The following PLEKHA5 variants were observed in gnomAD, a reference collection of about 807,000 sequenced individuals.
The protein encoded by PLEKHA5 is pleckstrin homology domain containing A5.
Under a neutral mutation model 181.9 loss-of-function variants are expected in PLEKHA5, and 55 were observed. The observed-to-expected ratio is 0.30, with a 90% confidence interval of 0.24 to 0.38. The LOEUF is 0.38. PLEKHA5 is among the 10% of genes least tolerant of loss of function. PLEKHA5 has a pLI of 1.00. For synonymous variants in PLEKHA5, 535 were observed against 529.4 expected, an observed-to-expected ratio of 1.01 and a Z score of -0.15; for missense variants, 1,432 against 1,549.5, an observed-to-expected ratio of 0.92 and a Z score of 1.27.
intron 7 of PLEKHA5, among the ~76,000 whole-genome samples, chr12:19,262,956 A>G (rs2068975563): frequency 6.6e-6 from 1 of 152,210 alleles, no homozygotes; most frequent in African/African-American, 2.4e-5. Context: ...TTTATATGCA[A>G]TGTATTTATT....
intron 3 of PLEKHA5, among the ~76,000 whole-genome samples, chr12:19,231,387 A>T (rs2060512913): frequency 6.6e-6 from 1 of 151,974 alleles, no homozygotes; most frequent in African/African-American, 2.4e-5. Flanking sequence ...ATATACAGTT[A>T]GAGTGTAAGT....
intron 12 of PLEKHA5, 116 bp from the exon 13 acceptor site, chr12:19,287,357 A>G: frequency 1.4e-6 from 1 of 720,646 alleles, no homozygotes; most frequent in Non-Finnish European, 2.5e-6. Context: ...TTTCATAAGC[A>G]CTAATAGCAA....
chr12:19,338,816 G>T (rs761226444), intron 21 of PLEKHA5, among the ~76,000 whole-genome samples: 1 of 150,846 alleles, frequency 6.6e-6, no homozygotes, highest in African/African-American at 2.4e-5. Flanking sequence ...CCTGGGAGGC[G>T]GAGGTTGCAG....
rs1411194953 is a variant in PLEKHA5, at chr12:19,129,733, G to C, written c.-67G>C. ...CGCTCCGCGCTCCCTTCGCTCGCTCGTTCCCTCCTCCCTCGGCAGCCGCGG... is the reference window on the plus strand; with the variant it reads ...CGCTCCGCGCTCCCTTCGCTCGCTCCTTCCCTCCTCCCTCGGCAGCCGCGG... On this transcript the variant is annotated 5_prime_UTR_variant, in exon 1 of 32. Coordinates refer to ENST00000429027, the MANE Select transcript of PLEKHA5 (RefSeq NM_001256470.2). 2.3e-6 allele frequency: 3 copies of C among 1,286,886 alleles called. No homozygotes were observed. The highest frequency in any genetic ancestry group is 3.3e-6 in the Non-Finnish European group (3 of 911,090). 79.7% of individuals were successfully genotyped at this position (1,286,886 alleles called of 1,614,324 possible). A position where few individuals can be genotyped will look rare whatever the true frequency, so the allele number is the denominator to read the frequency against.
intron 10 of PLEKHA5, 26 bp from the exon 11 acceptor site, chr12:19,274,490 A>G (rs772122818): frequency 7.0e-7 from 1 of 1,419,650 alleles, no homozygotes; most frequent in East Asian, 2.3e-5. Flanking sequence ...CATCTGATTT[A>G]CTATGATTTT....
intron 15 of PLEKHA5, among the ~76,000 whole-genome samples, chr12:19,300,040 A>G (rs1007575696): frequency 6.6e-6 from 1 of 152,158 alleles, no homozygotes; most frequent in Non-Finnish European, 1.5e-5. Flanking sequence ...TGCCTGTTCA[A>G]CCTTACTGTG....
At chr12:19,298,751 G>C (rs559321258) in intron 15 of PLEKHA5, among the ~76,000 whole-genome samples, 1 of 152,232 alleles carries the variant, frequency 6.6e-6, no homozygotes, top group South Asian at 2.1e-4. Context: ...AAATGGTTCA[G>C]AATATCAGTT....
intron 15 of PLEKHA5, chr12:19,307,001 T>TG: frequency 1.3e-6 from 2 of 1,492,162 alleles, no homozygotes; most frequent in South Asian, 1.1e-5. Context: ...CCGGCTGCTT[T>TG]GGGGGCTCCT....
At chr12:19,326,627 T>C (rs2092136520) in intron 20 of PLEKHA5, among the ~76,000 whole-genome samples, 1 of 152,176 alleles carries the variant, frequency 6.6e-6, no homozygotes. Context: ...GTTTGTTAAC[T>C]GGGTCTATTG....
intron 3 of PLEKHA5, among the ~76,000 whole-genome samples, chr12:19,238,466 C>G (rs897687992): frequency 1.4e-4 from 22 of 151,962 alleles, no homozygotes; most frequent in African/African-American, 5.3e-4. Flanking sequence ...CTTGACAGTC[C>G]TAATTTAAGA....
chr12:19,151,081 C>G (rs1010866928), intron 3 of PLEKHA5: 39 of 152,236 alleles, frequency 2.6e-4, no homozygotes, highest in African/African-American at 8.0e-4. Flanking sequence ...TGACAAGGTT[C>G]TGGGATTAAG....
chr12:19,224,110 T>C (rs904758590), intron 3 of PLEKHA5, among the ~76,000 whole-genome samples: 4 of 152,224 alleles, frequency 2.6e-5, no homozygotes, highest in African/African-American at 9.7e-5. Context: ...TCCTCCACTG[T>C]TTATACTAAA....
At chr12:19,318,141 A>C (rs2089605918) in intron 16 of PLEKHA5, among the ~76,000 whole-genome samples, 1 of 151,724 alleles carries the variant, frequency 6.6e-6, no homozygotes, top group African/African-American at 2.4e-5. Flanking sequence ...TTAAGGAAAA[A>C]TTTTGTTTTC....
intron 15 of PLEKHA5, among the ~76,000 whole-genome samples, chr12:19,293,082 T>C (rs1403375397): frequency 6.6e-6 from 1 of 152,188 alleles, no homozygotes; most frequent in Admixed American, 6.5e-5. Flanking sequence ...TAAATCAAGC[T>C]AAAACTTATT....
chr12:19,177,567 G>C (rs1199633712), intron 3 of PLEKHA5, among the ~76,000 whole-genome samples: 1 of 152,188 alleles, frequency 6.6e-6, no homozygotes, highest in African/African-American at 2.4e-5. Flanking sequence ...CCACAGTGCC[G>C]TGTTGTCCTT....
chr12:19,233,463 C>T (rs1323685191), intron 3 of PLEKHA5, among the ~76,000 whole-genome samples: 3 of 152,026 alleles, frequency 2.0e-5, no homozygotes, highest in East Asian at 3.9e-4. Context: ...GTTTCTTAAC[C>T]GTTAAAAGAA....
At chr12:19,154,596 A>C (rs1401481872) in intron 3 of PLEKHA5, 1 of 152,218 alleles carries the variant, frequency 6.6e-6, no homozygotes, top group Non-Finnish European at 1.5e-5. Context: ...TAATTGGAAT[A>C]AAGGTGACTC....
chr12:19,131,649 A>G (rs527928073), intron 2 of PLEKHA5, among the ~76,000 whole-genome samples: 1 of 151,482 alleles, frequency 6.6e-6, no homozygotes, highest in South Asian at 2.1e-4. Flanking sequence ...CCACAGAAAA[A>G]TTTTATTCTT....
In PLEKHA5 at chr12:19,277,003, T is replaced by C. The variant is rs765759962; in HGVS notation, c.1313+2020T>C. 6.0e-4 allele frequency among the ~76,000 whole-genome samples: 92 copies of C among 152,210 alleles called. 1 individual carries two copies. The highest frequency in any genetic ancestry group is 3.4e-3 in the Middle Eastern group (1 of 294). On this transcript the variant is annotated intron_variant, in intron 11 of 31. Transcript: ENST00000429027. Reference sequence around the variant, plus strand: ...TTTTCACTTACCAGATTGACCAAAATCATAAATAAAAGAATTAAGGCATAG... The same window carrying C: ...TTTTCACTTACCAGATTGACCAAAACCATAAATAAAAGAATTAAGGCATAG...
Sources: allele counts gnomAD v4.1 joint callset (sites outside exome capture counted in the v4.1 genomes callset), GRCh38; gene constraint gnomAD v4.1.1; transcripts MANE v1.5; gene names NCBI Gene and HGNC (gene_info 2026-07-23, HGNC 2026-07-21).